The following DTWD2 variants were observed in gnomAD, a reference collection of about 807,000 sequenced individuals.
DTWD2 encodes the protein DTW motif tRNA-uridine aminocarboxypropyltransferase 2.
DTWD2 carries 39 observed loss-of-function variants against 31.8 expected under a neutral mutation model. The observed-to-expected ratio is 1.22, with a 90% CI of 0.95 to 1.60. The LOEUF is 1.60. DTWD2 is among the 40% of genes most tolerant of loss of function. The pLI, the probability that DTWD2 is intolerant of heterozygous loss-of-function variation, is 0.00. For synonymous variants in DTWD2, 180 were observed against 142.8 expected, an observed-to-expected ratio of 1.26 and a Z score of -1.86; for missense variants, 515 against 381.5, an observed-to-expected ratio of 1.35 and a Z score of -2.92.
At chr5:118,948,203 C>T (rs146436461) in intron 1 of DTWD2, among the ~76,000 whole-genome samples, 2,935 of 152,122 alleles carry the variant, frequency 0.019, 91 homozygotes, top group African/African-American at 0.067. Context: ...GGGCCAGGCA[C>T]GGTGGCTCAC....
chr5:118,929,525 C>T (rs534914934), intron 3 of DTWD2, among the ~76,000 whole-genome samples: 2 of 151,418 alleles, frequency 1.3e-5, no homozygotes, highest in Non-Finnish European at 2.9e-5. Flanking sequence ...GTTCTGACCA[C>T]GAGGCATCCC....
chr5:118,898,644 G>A (rs1753136184), intron 4 of DTWD2, among the ~76,000 whole-genome samples: 1 of 137,264 alleles, frequency 7.3e-6, no homozygotes, highest in Non-Finnish European at 1.5e-5. Context: ...GGGCAACAAA[G>A]TGAGACTCCA....
chr5:118,958,981 C>T (rs1454792030), intron 1 of DTWD2, among the ~76,000 whole-genome samples: 1 of 152,190 alleles, frequency 6.6e-6, no homozygotes, highest in Non-Finnish European at 1.5e-5. Flanking sequence ...GCCAAACCCA[C>T]AGCCAACATC....
chr5:118,972,353 C>T (rs1303786885), intron 1 of DTWD2, among the ~76,000 whole-genome samples: 1 of 152,068 alleles, frequency 6.6e-6, no homozygotes, highest in Non-Finnish European at 1.5e-5. Context: ...CCTCTATGCA[C>T]ATAAACTAGA....
chr5:118,880,296 T>C (rs1752713958), intron 4 of DTWD2, among the ~76,000 whole-genome samples: 2 of 152,276 alleles, frequency 1.3e-5, no homozygotes, highest in South Asian at 4.1e-4. Flanking sequence ...TTCCCAAACA[T>C]CAAATACAAC....
intron 4 of DTWD2, among the ~76,000 whole-genome samples, chr5:118,878,024 CT>C (rs1219080059): frequency 1.3e-5 from 2 of 152,110 alleles, no homozygotes; most frequent in African/African-American, 4.8e-5. Context: ...CTACAAAACA[CT>C]GCTCAAAGAA....
intron 4 of DTWD2, among the ~76,000 whole-genome samples, chr5:118,890,145 G>T (rs1752947597): frequency 6.6e-6 from 1 of 152,150 alleles, no homozygotes; most frequent in South Asian, 2.1e-4. Flanking sequence ...TTTTACAAAT[G>T]AGGAAACTAA....
intron 1 of DTWD2, among the ~76,000 whole-genome samples, chr5:118,979,912 G>C (rs1016562942): frequency 1.3e-5 from 2 of 152,172 alleles, no homozygotes; most frequent in Non-Finnish European, 2.9e-5. Context: ...AATACCTAGG[G>C]GATGGGTTGA....
intron 1 of DTWD2, among the ~76,000 whole-genome samples, chr5:118,964,796 C>T (rs1012322552): frequency 6.6e-6 from 1 of 152,222 alleles, no homozygotes; most frequent in Non-Finnish European, 1.5e-5. Flanking sequence ...GCTACAACCT[C>T]CACCTCCCAG....
intron 4 of DTWD2, among the ~76,000 whole-genome samples, chr5:118,869,056 A>C (rs749693205): frequency 3.7e-4 from 57 of 152,274 alleles, no homozygotes; most frequent in Admixed American, 6.5e-4. Context: ...CACAAAAAAA[A>C]GGAAAGTTAT....
chr5:118,864,529 TAAA>T (rs750961429), intron 4 of DTWD2, among the ~76,000 whole-genome samples: 1 of 132,648 alleles, frequency 7.5e-6, no homozygotes, highest in Non-Finnish European at 1.6e-5. Flanking sequence ...CTTAGAGTAT[TAAA>T]AAAAAAAAAA....
chr5:118,928,681 T>TA lies in DTWD2; in HGVS notation c.452dup (p.Leu151PhefsTer6), dbSNP rs1753859165. ...AATTAGCAGCTTCAGCCCCTGGATA[T>TA]AATATTAATGTACCAGACTTCCGGC... On this transcript the variant is annotated frameshift_variant, in exon 4 of 6. Coordinates refer to ENST00000510708, the MANE Select transcript of DTWD2 (RefSeq NM_173666.4). LOFTEE classifies it high-confidence loss of function. 1 of 1,592,018 alleles carries TA rather than the reference T, an allele frequency of 6.3e-7. No homozygotes were observed. Among genetic ancestry groups the TA allele is most frequent in the Admixed American group, 1.7e-5 (1 of 58,562 alleles).
chr5:118,954,044 A>G (rs978762238), intron 1 of DTWD2, among the ~76,000 whole-genome samples: 2 of 152,196 alleles, frequency 1.3e-5, no homozygotes, highest in Admixed American at 6.6e-5. Context: ...GCTGAGGAGA[A>G]AGGATCACTT....
chr5:118,892,277 T>G (rs1752991798), intron 4 of DTWD2, among the ~76,000 whole-genome samples: 2 of 152,138 alleles, frequency 1.3e-5, no homozygotes, highest in Admixed American at 1.3e-4. Flanking sequence ...ACCTCAAATT[T>G]TACAATAAGA....
intron 4 of DTWD2, among the ~76,000 whole-genome samples, chr5:118,874,700 AT>A (rs1359356694): frequency 6.6e-6 from 1 of 152,226 alleles, no homozygotes; most frequent in Non-Finnish European, 1.5e-5. Context: ...CCGCCAAAAA[AT>A]ATGGGATTAC....
chr5:118,979,173 G>A (rs1014126156), intron 1 of DTWD2, among the ~76,000 whole-genome samples: 10 of 151,978 alleles, frequency 6.6e-5, no homozygotes, highest in South Asian at 2.1e-4. Context: ...GCATGGTGGC[G>A]GGCACCTGTA....
chr5:118,887,939 C>T (rs1025582035), intron 4 of DTWD2, among the ~76,000 whole-genome samples: 105 of 152,266 alleles, frequency 6.9e-4, no homozygotes, highest in African/African-American at 2.4e-3. Flanking sequence ...CCATGCCTGG[C>T]CAGTTCTAGG....
intron 5 of DTWD2, among the ~76,000 whole-genome samples, chr5:118,845,766 T>C (rs1349358213): frequency 6.6e-6 from 1 of 152,212 alleles, no homozygotes; most frequent in East Asian, 1.9e-4. Context: ...CACCATTCTG[T>C]TGTCTTAAAC....
chr5:118,896,513 G>A (rs1414662752), intron 4 of DTWD2, among the ~76,000 whole-genome samples: 3 of 150,920 alleles, frequency 2.0e-5, no homozygotes, highest in Non-Finnish European at 4.4e-5. Flanking sequence ...GCCAAAAAAA[G>A]ATGTAACATG....
Sources: gnomAD v4.1 joint callset for allele counts (sites outside exome capture counted in the v4.1 genomes callset) on GRCh38, gnomAD v4.1.1 for gene constraint, MANE v1.5 for transcripts, NCBI Gene and HGNC (gene_info 2026-07-23, HGNC 2026-07-21) for gene names.